The following STXBP4 variants were observed in gnomAD, a reference collection of about 807,000 sequenced individuals.
The protein encoded by STXBP4 is syntaxin binding protein 4.
Under a neutral mutation model 76.1 loss-of-function variants are expected in STXBP4, and 55 were observed. That is an observed-to-expected ratio of 0.72 (90% CI 0.58 to 0.91). STXBP4 has a LOEUF of 0.91. STXBP4 is among the 40% of genes least tolerant of loss of function. The pLI is 0.00. For synonymous variants in STXBP4, 201 were observed against 220.2 expected, an observed-to-expected ratio of 0.91 and a Z score of 0.77; for missense variants, 618 against 636.9, an observed-to-expected ratio of 0.97 and a Z score of 0.32.
intron 3 of STXBP4, among the ~76,000 whole-genome samples, chr17:54,989,056 G>A (rs1385527205): frequency 2.0e-5 from 3 of 152,022 alleles, no homozygotes; most frequent in African/African-American, 4.8e-5. Flanking sequence ...GAATTTCTAC[G>A]GCAGAAGCTA....
intron 12 of STXBP4, among the ~76,000 whole-genome samples, chr17:55,071,914 AGG>A (rs1422891270): frequency 6.6e-6 from 1 of 151,994 alleles, no homozygotes; most frequent in Non-Finnish European, 1.5e-5. Flanking sequence ...GTAAAGAAAA[AGG>A]AATGGTTTAC....
chr17:55,174,277 G>C (rs1026293349), downstream of STXBP4, among the ~76,000 whole-genome samples: 8 of 152,200 alleles, frequency 5.3e-5, no homozygotes, highest in African/African-American at 1.9e-4. Flanking sequence ...CTGTTTTCTA[G>C]AATGGCTGTA....
chr17:55,119,439 C>T (rs1454726733), intron 16 of STXBP4, among the ~76,000 whole-genome samples: 1 of 152,100 alleles, frequency 6.6e-6, no homozygotes, highest in South Asian at 2.1e-4. Context: ...GGATTCTGCC[C>T]TTGGATTATT....
chr17:55,089,045 T>C (rs2079376445), intron 16 of STXBP4, among the ~76,000 whole-genome samples: 1 of 152,234 alleles, frequency 6.6e-6, no homozygotes, highest in Non-Finnish European at 1.5e-5. Flanking sequence ...TCCAATTTCA[T>C]TGGCCAAATT....
chr17:55,045,399 T>G (rs1314615029), intron 11 of STXBP4, among the ~76,000 whole-genome samples: 3 of 152,104 alleles, frequency 2.0e-5, no homozygotes, highest in Non-Finnish European at 4.4e-5. Flanking sequence ...TTTTATGTAT[T>G]CTTTTATCGC....
the STXBP4 span, among the ~76,000 whole-genome samples, chr17:55,187,320 A>G: frequency 6.6e-6 from 1 of 152,162 alleles, no homozygotes; most frequent in Non-Finnish European, 1.5e-5. Flanking sequence ...GGAAGGAACC[A>G]TGAAAACTCT....
At chr17:55,039,329 C>G (rs570104876) in intron 10 of STXBP4, among the ~76,000 whole-genome samples, 6 of 139,416 alleles carry the variant, frequency 4.3e-5, no homozygotes, top group Non-Finnish European at 7.6e-5. Context: ...ACGTAATGCA[C>G]ACAGAGAGTA....
At chr17:55,085,055 G>A (rs1000329493) in intron 16 of STXBP4, among the ~76,000 whole-genome samples, 1 of 152,172 alleles carries the variant, frequency 6.6e-6, no homozygotes, top group Non-Finnish European at 1.5e-5. Flanking sequence ...CGTGTCCTTT[G>A]TAGGGACATG....
intron 16 of STXBP4, among the ~76,000 whole-genome samples, chr17:55,096,939 A>C (rs1567760100): frequency 6.6e-6 from 1 of 152,116 alleles, no homozygotes; most frequent in South Asian, 2.1e-4. Context: ...TTTTGTCCTA[A>C]ACTGCTTTGC....
chr17:55,005,630 C>A (rs1168125621), intron 7 of STXBP4, among the ~76,000 whole-genome samples: 2 of 152,120 alleles, frequency 1.3e-5, no homozygotes, highest in African/African-American at 4.8e-5. Context: ...CCTCTCTCCC[C>A]CTTGCTCTCC....
chr17:55,036,407 T>TAG (rs76952658), intron 10 of STXBP4, among the ~76,000 whole-genome samples: 53,064 of 151,014 alleles, frequency 0.35, 10,361 homozygotes, highest in East Asian at 0.54. Flanking sequence ...CTAGTCACCT[T>TAG]ACGCTTTTTG....
At chr17:54,979,165 A>T (rs1306325044) in intron 1 of STXBP4, among the ~76,000 whole-genome samples, 1 of 152,200 alleles carries the variant, frequency 6.6e-6, no homozygotes, top group Admixed American at 6.5e-5. Context: ...CATTGCTGAT[A>T]TCCCATTTCC....
At chr17:55,027,058 T>C (rs1349414699) in intron 8 of STXBP4, among the ~76,000 whole-genome samples, 2 of 152,152 alleles carry the variant, frequency 1.3e-5, no homozygotes, top group Non-Finnish European at 2.9e-5. Context: ...GCCAAGTGCA[T>C]GGGAGCTAGA....
chr17:54,974,752 T>C (rs1400143410), intron 1 of STXBP4, among the ~76,000 whole-genome samples: 1 of 152,220 alleles, frequency 6.6e-6, no homozygotes, highest in Non-Finnish European at 1.5e-5. Context: ...AGTGGCATTG[T>C]ACAGTAAGCA....
At chr17:55,007,247 G>A (rs1215648526) in intron 7 of STXBP4, among the ~76,000 whole-genome samples, 1 of 151,626 alleles carries the variant, frequency 6.6e-6, no homozygotes, top group Non-Finnish European at 1.5e-5. Context: ...GCTGAGGCAG[G>A]AGAATCACTT....
At chr17:54,973,182 G>A (rs1224771966) in intron 1 of STXBP4, among the ~76,000 whole-genome samples, 2 of 152,178 alleles carry the variant, frequency 1.3e-5, no homozygotes, top group African/African-American at 4.8e-5. Flanking sequence ...AGAATGATGA[G>A]TTAACTTGTC....
At chr17:55,053,337 G>C (rs2078884731) in intron 12 of STXBP4, among the ~76,000 whole-genome samples, 1 of 151,912 alleles carries the variant, frequency 6.6e-6, no homozygotes, top group East Asian at 1.9e-4. Flanking sequence ...GGTTAAAAAA[G>C]TGCATGTATA....
intron 8 of STXBP4, among the ~76,000 whole-genome samples, chr17:55,020,440 G>A (rs574999754): frequency 1.4e-5 from 2 of 139,444 alleles, no homozygotes; most frequent in Admixed American, 1.5e-4. Flanking sequence ...GTCTTTGGCT[G>A]TCAAATCTGT....
chr17:55,118,651 A>G (rs1185700919), intron 16 of STXBP4, among the ~76,000 whole-genome samples: 1 of 151,862 alleles, frequency 6.6e-6, no homozygotes, highest in African/African-American at 2.4e-5. Context: ...AGGAAAGTAC[A>G]TGTAGGGAAA....
Sources: gnomAD v4.1 joint callset for allele counts (sites outside exome capture counted in the v4.1 genomes callset) on GRCh38, gnomAD v4.1.1 for gene constraint, MANE v1.5 for transcripts, NCBI Gene and HGNC (gene_info 2026-07-23, HGNC 2026-07-21) for gene names.